The following XRCC6 variants were observed in gnomAD, a reference collection of about 807,000 sequenced individuals.
XRCC6 encodes the protein DNA repair protein Ku70.
A neutral mutation model predicts 65.7 loss-of-function variants in XRCC6; 5 were observed. That is an observed-to-expected ratio of 0.08 (90% CI 0.04 to 0.16). The LOEUF (loss-of-function observed/expected upper bound fraction) is 0.16, where lower values mean the gene tolerates loss of function less well. XRCC6 is among the 10% of genes least tolerant of loss of function. The pLI is 1.00. For missense variants in XRCC6, 447 were observed against 738.1 expected (o/e 0.61, Z 4.57); for synonymous variants, 270 against 270.6 (o/e 1.00, Z 0.02).
rs560637356 is a variant in XRCC6, at chr22:41,661,456, A to T, written c.1636+12A>T. 6.2e-7 allele frequency: 1 copy of T among 1,609,716 alleles called. No homozygotes were observed. The highest frequency in any genetic ancestry group is 1.3e-5 in the African/African-American group (1 of 74,910). On this transcript the variant is annotated intron_variant, in intron 12 of 12. Coordinates refer to ENST00000360079, the MANE Select transcript of XRCC6 (RefSeq NM_001469.5). ...CAAGAGAAAACACGGTGAGAAGCTGAATGTGGACATGTGGGCTATTTTTAA... is the reference window on the plus strand; with the variant it reads ...CAAGAGAAAACACGGTGAGAAGCTGTATGTGGACATGTGGGCTATTTTTAA...
At chr22:41,630,440 G>A (rs549408188) in intron 3 of XRCC6, among the ~76,000 whole-genome samples, 1 of 150,194 alleles carries the variant, frequency 6.7e-6, no homozygotes, top group African/African-American at 2.5e-5. Flanking sequence ...CCTCTTAATT[G>A]TTCACTTAGA....
At chr22:41,652,251 CT>C (rs1555907172) in intron 8 of XRCC6, among the ~76,000 whole-genome samples, 2 of 138,374 alleles carry the variant, frequency 1.4e-5, no homozygotes, top group African/African-American at 2.5e-5. Context: ...ACCCTATCTT[CT>C]TTTGTGCTAT....
At chr22:41,640,127 T>G (rs2067859666) in intron 6 of XRCC6, among the ~76,000 whole-genome samples, 1 of 151,998 alleles carries the variant, frequency 6.6e-6, no homozygotes, top group South Asian at 2.1e-4. Context: ...GGCAGTCTTC[T>G]GTGGTCTTCC....
At chr22:41,629,693 G>A (rs748791929) in intron 3 of XRCC6, among the ~76,000 whole-genome samples, 22 of 151,918 alleles carry the variant, frequency 1.4e-4, no homozygotes, top group Non-Finnish European at 2.4e-4. Flanking sequence ...TTTTTGAGAC[G>A]GAGTCTCGCT....
intron 3 of XRCC6, among the ~76,000 whole-genome samples, chr22:41,633,579 C>G (rs113756365): frequency 0.017 from 2,618 of 152,180 alleles, 75 homozygotes; most frequent in African/African-American, 0.059. Flanking sequence ...GATGGGGTTT[C>G]ACCATGTTAG....
Position 41,657,089 on chromosome 22 carries a change from A to G in XRCC6, c.1421+57A>G, listed in dbSNP as rs938099155. 3.3e-6 allele frequency: 5 copies of G among 1,519,406 alleles called. No homozygotes were observed. In the East Asian group the frequency reaches 7.0e-5, roughly 21 times the overall value. The allele number at this position is 1,519,406 out of a possible 1,614,324, so 94.1% of individuals were successfully genotyped here. A position where few individuals can be genotyped will look rare whatever the true frequency, so the allele number is the denominator to read the frequency against. ...TCCTGAGTTGAAAATCTTATTAGAA[A>G]CAGCTTGGGCATAGGCCAAGAGAAT... On this transcript the variant is annotated intron_variant, in intron 10 of 12. Transcript: ENST00000360079.
chr22:41,653,796 G>T, intron 9 of XRCC6, 106 bp downstream of exon 9: 3 of 1,354,574 alleles, frequency 2.2e-6, no homozygotes, highest in Non-Finnish European at 3.0e-6. Flanking sequence ...TGGGAATGGG[G>T]CTTAAAAATG....
At chr22:41,651,685 G>A (rs538669358) in intron 8 of XRCC6, among the ~76,000 whole-genome samples, 7 of 151,530 alleles carry the variant, frequency 4.6e-5, no homozygotes, top group Admixed American at 1.3e-4. Context: ...CTGCTACCAC[G>A]TCTAGCTAAT....
chr22:41,657,174 G>C (rs1038240146), intron 10 of XRCC6, 142 bp downstream of exon 10: 1 of 1,097,524 alleles, frequency 9.1e-7, no homozygotes, highest in Non-Finnish European at 1.2e-6. Context: ...TTTTTTGAAA[G>C]CCATATAGAG....
chr22:41,626,554 A>C (rs1023017694), intron 2 of XRCC6, among the ~76,000 whole-genome samples: 2 of 151,844 alleles, frequency 1.3e-5, no homozygotes, highest in African/African-American at 4.8e-5. Flanking sequence ...TCCCAGGTTC[A>C]AGTGATTCTC....
At chr22:41,644,205 ATTGT>A (rs1460503415) in intron 6 of XRCC6, among the ~76,000 whole-genome samples, 2 of 151,668 alleles carry the variant, frequency 1.3e-5, no homozygotes, top group African/African-American at 4.8e-5. Flanking sequence ...TTATAAGTGT[ATTGT>A]TTAATTTTCA....
chr22:41,628,985 A>AC (rs1287460777), intron 3 of XRCC6, among the ~76,000 whole-genome samples: 47 of 151,486 alleles, frequency 3.1e-4, no homozygotes, highest in Non-Finnish European at 5.9e-4. Flanking sequence ...AAAAAAAAAA[A>AC]AAAACAATTC....
intron 5 of XRCC6, 117 bp downstream of exon 5, chr22:41,636,887 A>G (rs2067815952): frequency 1.5e-6 from 2 of 1,351,912 alleles, no homozygotes; most frequent in Non-Finnish European, 2.0e-6. Context: ...AGCTGGGACT[A>G]TAAGCATGTG....
rs1249746536 is a variant in XRCC6 at position 41,658,246 on chromosome 22, T to C, written c.1422-6T>C. On this transcript the variant is annotated splice_polypyrimidine_tract_variant and splice_region_variant and intron_variant, in intron 10 of 12. Coordinates refer to ENST00000360079, the MANE Select transcript of XRCC6 (RefSeq NM_001469.5). ...TTTCAGTTGAGTTACATTATTGTTT[T>C]AACAGAAGTGACAGCTTTGAGAACC... 4 of 1,612,960 alleles carry C rather than the reference T, an allele frequency of 2.5e-6. No individual in the cohort carries two copies. The highest frequency in any genetic ancestry group is 3.4e-6 in the Non-Finnish European group (4 of 1,179,854).
At chr22:41,621,663 C>G (rs769645645) in intron 1 of XRCC6, 8 of 269,414 alleles carry the variant, frequency 3.0e-5, no homozygotes, top group Non-Finnish European at 5.7e-5. Context: ...GTATTGAGGA[C>G]GAGGGGGTCC....
chr22:41,635,987 G>T (rs1309768471), intron 3 of XRCC6, 126 bp from the exon 4 acceptor site: 1 of 751,742 alleles, frequency 1.3e-6, no homozygotes, highest in Non-Finnish European at 2.0e-6. Context: ...TGAAGGTAGG[G>T]ATCTTGCCTT....
chr22:41,647,367 A>C (rs2067943270), intron 7 of XRCC6, among the ~76,000 whole-genome samples: 1 of 151,970 alleles, frequency 6.6e-6, no homozygotes, highest in Non-Finnish European at 1.5e-5. Flanking sequence ...TGGATTACCG[A>C]GGTCAGGAGT....
At chr22:41,652,954 G>A (rs189089290) in intron 8 of XRCC6, among the ~76,000 whole-genome samples, 114 of 151,910 alleles carry the variant, frequency 7.5e-4, no homozygotes, top group African/African-American at 2.7e-3. Context: ...TTACAGGCGT[G>A]AGCCACCATG....
chr22:41,650,708 G>A lies in XRCC6; in HGVS notation c.961-15G>A, dbSNP rs764936129. On this transcript the variant is annotated splice_polypyrimidine_tract_variant and intron_variant, in intron 7 of 12. Transcript: ENST00000360079. Reference sequence around the variant, plus strand: ...GTAGCCTTCCCATTTGATCCTTGTCGTTCTTCTCCTTCAGATCTATGGGAG... The same window carrying A: ...GTAGCCTTCCCATTTGATCCTTGTCATTCTTCTCCTTCAGATCTATGGGAG... The A allele has an allele frequency of 1.6e-5, 26 of 1,610,070 alleles. No homozygotes were observed. Among genetic ancestry groups the A allele is most frequent in the East Asian group, 8.9e-5 (4 of 44,802 alleles).
Sources: allele counts gnomAD v4.1 joint callset (sites outside exome capture counted in the v4.1 genomes callset), GRCh38; gene constraint gnomAD v4.1.1; transcripts MANE v1.5; gene names NCBI Gene and HGNC (gene_info 2026-07-23, HGNC 2026-07-21).